Variants in CLEC4C observed in about 807,000 individuals in gnomAD.
CLEC4C encodes C-type lectin domain family 4 member C.
In CLEC4C, 17 loss-of-function variants were observed where a neutral mutation model predicts 27.7. The observed-to-expected ratio is 0.61, with a 90% CI of 0.42 to 0.92. CLEC4C has a LOEUF of 0.92. Among genes scored for constraint, CLEC4C ranks in the 40% least tolerant of loss-of-function variants. The pLI is 0.00. For missense variants in CLEC4C, 244 were observed against 257.3 expected (o/e 0.95, Z 0.35); for synonymous variants, 80 against 80.8 (o/e 0.99, Z 0.06).
upstream of CLEC4C, chr12:7,749,419 G>A (rs1235419918): frequency 1.3e-5 from 2 of 152,010 alleles, no homozygotes; most frequent in East Asian, 1.9e-4. Context: ...GCCAAGCATG[G>A]TGGCACACGT....
upstream of CLEC4C, among the ~76,000 whole-genome samples, chr12:7,747,745 G>T (rs755764110): frequency 2.1e-5 from 3 of 145,184 alleles, no homozygotes; most frequent in East Asian, 2.1e-4. Context: ...GGGTTCAAGC[G>T]ATTCTCCTGC....
At chr12:7,747,168 G>T in intron 1 of CLEC4C, 150 bp downstream of exon 1, 1 of 752,668 alleles carries the variant, frequency 1.3e-6, no homozygotes, top group Non-Finnish European at 2.3e-6. Context: ...AAGTATCTTG[G>T]GTCCATACCT....
At chr12:7,744,335 T>A (rs1461982684) in intron 2 of CLEC4C, among the ~76,000 whole-genome samples, 1 of 152,208 alleles carries the variant, frequency 6.6e-6, no homozygotes, top group Non-Finnish European at 1.5e-5. Flanking sequence ...TTGAAAACTG[T>A]GAGATGTATT....
chr12:7,747,922 C>A (rs1197142746), upstream of CLEC4C, among the ~76,000 whole-genome samples: 133 of 104,880 alleles, frequency 1.3e-3, no homozygotes, highest in East Asian at 1.8e-3. Flanking sequence ...ACTCCATCTC[C>A]AAAAAAAAAA....
rs768616751 is a variant in CLEC4C at position 7,741,481 on chromosome 12, G to A, written c.175C>T (p.Arg59Ter). ...SKTVKRLSKL[R>*]EYQQYHPSLT... Reference sequence around the variant, plus strand: ...CTTGGATGATACTGTTGATACTCTCGTAACTTGGACAGCCTCTTGACAGTT... The same window carrying A: ...CTTGGATGATACTGTTGATACTCTCATAACTTGGACAGCCTCTTGACAGTT... The change falls in exon 3 of 6, where the codon CGA becomes TGA. Residue 59 changes from arginine (R) to a stop codon, truncating the protein, a stop_gained. Coordinates refer to ENST00000360345, the MANE Select transcript of CLEC4C (RefSeq NM_001371390.1). LOFTEE classifies it high-confidence loss of function. 21 of 1,612,702 alleles carry A rather than the reference G, an allele frequency of 1.3e-5. No individual in the cohort carries two copies. Among genetic ancestry groups the A allele is most frequent in the East Asian group, 2.2e-5 (1 of 44,896 alleles).
In CLEC4C at chr12:7,743,898, G is replaced by A. The variant is rs1864916705; in HGVS notation, c.125-2367C>T. Among the ~76,000 whole-genome samples the A allele has an allele frequency of 2.6e-5, 4 of 152,158 alleles. 1 individual carries two copies. The South Asian group carries it at 8.3e-4, about 32-fold the overall frequency. On this transcript the variant is annotated intron_variant, in intron 2 of 5. Coordinates refer to ENST00000360345, the MANE Select transcript of CLEC4C (RefSeq NM_001371390.1). Reference sequence around the variant, plus strand: ...CACAGTTCTGCAGACTGTACAGTAAGTATGGTGCCAGCATCTGCTCACCTT... The same window carrying A: ...CACAGTTCTGCAGACTGTACAGTAAATATGGTGCCAGCATCTGCTCACCTT...
At chr12:7,736,175 C>G (rs762432528) in intron 4 of CLEC4C, among the ~76,000 whole-genome samples, 2 of 152,022 alleles carry the variant, frequency 1.3e-5, no homozygotes, top group Non-Finnish European at 2.9e-5. Flanking sequence ...CCCAGTTACT[C>G]GGGAAGCTGA....
chr12:7,746,213 CAAA>C (rs932573091), intron 2 of CLEC4C, 115 bp downstream of exon 2: 1,545 of 408,380 alleles, frequency 3.8e-3, no homozygotes, highest in East Asian at 8.8e-3. Context: ...GATTCCGTCT[CAAA>C]AAAAAAAAAA....
chr12:7,742,930 A>G lies in CLEC4C; in HGVS notation c.125-1399T>C, dbSNP rs553223393. ...TTTCAAGCCGTACTGTTTTTTTCTCATGCTTCTTTCTGTGCAGGTCCAGTA... is the reference window on the plus strand; with the variant it reads ...TTTCAAGCCGTACTGTTTTTTTCTCGTGCTTCTTTCTGTGCAGGTCCAGTA... On this transcript the variant is annotated intron_variant, in intron 2 of 5. Transcript: ENST00000360345. Among the ~76,000 whole-genome samples, 391 of 152,128 alleles carry G rather than the reference A, an allele frequency of 2.6e-3. 1 individual carries two copies. The highest frequency in any genetic ancestry group is 8.1e-3 in the African/African-American group (338 of 41,512).
chr12:7,746,231 A>T, intron 2 of CLEC4C, 100 bp downstream of exon 2: 1 of 720,982 alleles, frequency 1.4e-6, no homozygotes, highest in South Asian at 1.8e-5. Context: ...AAAAAAAAAA[A>T]AAGAAAAAAA....
In CLEC4C at chr12:7,729,588, T is replaced by TA; in HGVS notation, c.*7dup. ...AACCCAAACACATTTCCAGGGAGAA[T>TA]ATTTCATTTATATGTAGATCTTCTT... On this transcript the variant is annotated 3_prime_UTR_variant, in exon 6 of 6. Transcript: ENST00000360345. The TA allele has an allele frequency of 1.2e-6, 2 of 1,611,994 alleles. No individual in the cohort carries two copies. The highest frequency in any genetic ancestry group is 1.7e-6 in the Non-Finnish European group (2 of 1,178,806).
chr12:7,734,739 G>A (rs1864682993), intron 4 of CLEC4C, among the ~76,000 whole-genome samples: 1 of 151,698 alleles, frequency 6.6e-6, no homozygotes, highest in Non-Finnish European at 1.5e-5. Flanking sequence ...AGTAGAGAAG[G>A]GTTTCGCCAT....
At chr12:7,736,681 G>C (rs1387378283) in intron 4 of CLEC4C, among the ~76,000 whole-genome samples, 3 of 152,040 alleles carry the variant, frequency 2.0e-5, no homozygotes, top group Admixed American at 6.6e-5. Context: ...GGCCGAGACG[G>C]GCAGATCACG....
chr12:7,737,391 A>G (rs1201472053), intron 4 of CLEC4C, 38 bp downstream of exon 4: 3 of 1,526,180 alleles, frequency 2.0e-6, no homozygotes, highest in Non-Finnish European at 2.7e-6. Flanking sequence ...TTAAGAAAGG[A>G]AACAGATTAG....
chr12:7,748,773 GAAGA>G (rs1865041755), upstream of CLEC4C, among the ~76,000 whole-genome samples: 1 of 152,106 alleles, frequency 6.6e-6, no homozygotes, highest in Non-Finnish European at 1.5e-5. Flanking sequence ...ACAATGCTGA[GAAGA>G]AAGGAGCAAA....
At chr12:7,740,062 G>A (rs1380296923) in intron 3 of CLEC4C, among the ~76,000 whole-genome samples, 1 of 151,752 alleles carries the variant, frequency 6.6e-6, no homozygotes, top group East Asian at 2.0e-4. Flanking sequence ...TCGAACTCCT[G>A]ACCCCAGGTG....
chr12:7,729,861 C>T (rs1322716365), intron 5 of CLEC4C, 121 bp from the exon 6 acceptor site: 2 of 798,518 alleles, frequency 2.5e-6, no homozygotes, highest in Non-Finnish European at 4.0e-6. Flanking sequence ...AAACCACCTT[C>T]TCACTTCTGC....
At chr12:7,739,120 T>C (rs939082742) in intron 3 of CLEC4C, among the ~76,000 whole-genome samples, 1 of 151,678 alleles carries the variant, frequency 6.6e-6, no homozygotes, top group Non-Finnish European at 1.5e-5. Flanking sequence ...ATTATTTCAT[T>C]CTTTTTTTTT....
intron 3 of CLEC4C, among the ~76,000 whole-genome samples, chr12:7,738,703 C>A (rs868807311): frequency 6.6e-6 from 1 of 152,018 alleles, no homozygotes; most frequent in African/African-American, 2.4e-5. Context: ...AGTCTTGCTT[C>A]GTTGCCCAGG....
Sources: gnomAD v4.1 joint callset for allele counts (sites outside exome capture counted in the v4.1 genomes callset) on GRCh38, gnomAD v4.1.1 for gene constraint, MANE v1.5 for transcripts, NCBI Gene and HGNC (gene_info 2026-07-23, HGNC 2026-07-21) for gene names.